Variants in GREB1 observed in about 807,000 individuals in gnomAD.
GREB1 encodes growth regulating estrogen receptor binding 1, also known as protein GREB1.
GREB1 carries 106 observed loss-of-function variants against 200.7 expected under a neutral mutation model. The observed-to-expected ratio is 0.53, with a 90% confidence interval of 0.45 to 0.62. GREB1 has a LOEUF of 0.62. GREB1 is among the 20% of genes least tolerant of loss of function. The pLI is 0.00. For missense variants in GREB1, 2,243 were observed against 2,556.8 expected, an observed-to-expected ratio of 0.88 and a Z score of 2.65; for synonymous variants, 1,132 against 1,092.4, an observed-to-expected ratio of 1.04 and a Z score of -0.72.
chr2:11,563,899 T>C (rs531710296), intron 3 of GREB1, among the ~76,000 whole-genome samples: 1 of 152,268 alleles, frequency 6.6e-6, no homozygotes, highest in South Asian at 2.1e-4. Flanking sequence ...AAGTGGATAC[T>C]TTGCACACAG....
rs545399197 is a variant in GREB1, at chr2:11,568,346, C to T, written c.454+1690C>T. 3.9e-5 allele frequency among the ~76,000 whole-genome samples: 6 copies of T among 152,320 alleles called. No individual in the cohort carries two copies. The East Asian group carries it at 9.6e-4, about 24-fold the overall frequency. On this transcript the variant is annotated intron_variant, in intron 4 of 32. Coordinates refer to ENST00000381486, the MANE Select transcript of GREB1 (RefSeq NM_014668.4). ...GCCACAGAGGCGCTGGGGACACACA[C>T]GTGTGTGAACTCTGACACGAGGCAG...
intron 22 of GREB1, among the ~76,000 whole-genome samples, chr2:11,620,437 GGAA>G (rs1475209068): frequency 3.9e-5 from 6 of 152,240 alleles, no homozygotes; most frequent in South Asian, 4.1e-4. Context: ...AGCAGGAGAA[GGAA>G]GAAGAAGAAA....
intron 1 of GREB1, among the ~76,000 whole-genome samples, chr2:11,521,570 G>C (rs1673705510): frequency 6.6e-6 from 1 of 152,168 alleles, no homozygotes; most frequent in African/African-American, 2.4e-5. Context: ...AAGCTCCCTT[G>C]CTATAAACTC....
intron 1 of GREB1, among the ~76,000 whole-genome samples, chr2:11,490,598 G>A (rs1372602833): frequency 6.6e-6 from 1 of 152,166 alleles, no homozygotes; most frequent in Non-Finnish European, 1.5e-5. Context: ...GCCCAGGCTG[G>A]AGTGCAGTGG....
At chr2:11,553,872 G>A (rs1676176066) in intron 1 of GREB1, among the ~76,000 whole-genome samples, 2 of 152,118 alleles carry the variant, frequency 1.3e-5, no homozygotes, top group African/African-American at 4.8e-5. Context: ...GCCCCGATGT[G>A]TTCTTTCTGT....
intron 1 of GREB1, among the ~76,000 whole-genome samples, chr2:11,550,529 G>A (rs1675709701): frequency 6.6e-6 from 1 of 152,180 alleles, no homozygotes; most frequent in Non-Finnish European, 1.5e-5. Flanking sequence ...TGCAGAGAAG[G>A]GGAAAGGGCT....
chr2:11,497,847 G>A (rs1672928172), intron 1 of GREB1, among the ~76,000 whole-genome samples: 1 of 151,560 alleles, frequency 6.6e-6, no homozygotes, highest in Non-Finnish European at 1.5e-5. Context: ...ATTGAGTGTT[G>A]AAAGTTTTAA....
At chr2:11,592,639 C>T in intron 10 of GREB1, 137 bp from the exon 11 acceptor site, 1 of 547,322 alleles carries the variant, frequency 1.8e-6, no homozygotes, top group African/African-American at 2.0e-5. Context: ...GATTTTATGC[C>T]CTCCCCTCGT....
intron 16 of GREB1, 24 bp from the exon 17 acceptor site, chr2:11,602,382 G>T (rs368887165): frequency 5.5e-5 from 88 of 1,609,346 alleles, no homozygotes; most frequent in Non-Finnish European, 7.0e-5. Flanking sequence ...GTGTTGGAGT[G>T]ACCGACGCTC....
chr2:11,576,917 C>G (rs1678920461), intron 5 of GREB1, among the ~76,000 whole-genome samples: 2 of 152,262 alleles, frequency 1.3e-5, no homozygotes, highest in South Asian at 4.1e-4. Flanking sequence ...CGCCTGTAAT[C>G]CCAGCTACTC....
chr2:11,542,328 C>T (rs989477712), intron 1 of GREB1, among the ~76,000 whole-genome samples: 3 of 152,146 alleles, frequency 2.0e-5, no homozygotes, highest in African/African-American at 4.8e-5. Context: ...CCTGAGACCC[C>T]GAAGGCCCCC....
intron 9 of GREB1, among the ~76,000 whole-genome samples, chr2:11,586,926 G>A (rs1680163230): frequency 6.6e-6 from 1 of 152,028 alleles, no homozygotes; most frequent in Non-Finnish European, 1.5e-5. Context: ...TTTTTACGTG[G>A]CCATGGCGTG....
intron 11 of GREB1, among the ~76,000 whole-genome samples, chr2:11,594,350 A>C (rs1681014833): frequency 7.3e-6 from 1 of 137,552 alleles, no homozygotes; most frequent in Non-Finnish European, 1.5e-5. Context: ...ATTGTCTTTT[A>C]GCATTTTTTT....
At chr2:11,598,924 T>A in intron 15 of GREB1, 64 bp downstream of exon 15, 3 of 1,354,804 alleles carry the variant, frequency 2.2e-6, no homozygotes, top group Non-Finnish European at 3.2e-6. Flanking sequence ...TATGTGGATG[T>A]TCCCGGGGGC....
chr2:11,500,361 C>T (rs976724073), intron 1 of GREB1, among the ~76,000 whole-genome samples: 4 of 152,098 alleles, frequency 2.6e-5, no homozygotes, highest in African/African-American at 9.7e-5. Context: ...GGGGTTTCAC[C>T]ATGTTGGCCA....
chr2:11,595,214 G>A, intron 11 of GREB1, 37 bp from the exon 12 acceptor site: 1 of 1,585,488 alleles, frequency 6.3e-7, no homozygotes, highest in Non-Finnish European at 8.6e-7. Flanking sequence ...AAGCAGGGAA[G>A]ATACAATGGG....
Position 11,629,107 on chromosome 2 carries a change from G to A in GREB1, c.4450-841G>A, listed in dbSNP as rs946842759. ...CCTCATCTCTGCTCCCAAAGAAAGG[G>A]CTCTGTGGGTCTAGAAGAGCCATGG... On this transcript the variant is annotated intron_variant, in intron 25 of 32. Coordinates refer to ENST00000381486, the MANE Select transcript of GREB1 (RefSeq NM_014668.4). The surrounding 1 kb of genome is among the most constrained non-coding windows in gnomAD (Gnocchi z 5.2). Among the ~76,000 whole-genome samples, 2 of 152,196 alleles carry A rather than the reference G, an allele frequency of 1.3e-5. No homozygotes were observed. Among genetic ancestry groups the A allele is most frequent in the African/African-American group, 4.8e-5 (2 of 41,446 alleles).
intron 1 of GREB1, among the ~76,000 whole-genome samples, chr2:11,538,979 C>G (rs1456785340): frequency 9.4e-6 from 1 of 105,830 alleles, no homozygotes; most frequent in Admixed American, 9.9e-5. Context: ...CTCCCTTCCC[C>G]TCCTCTCCTC....
rs148861459 is a variant in GREB1 at position 11,515,301 on chromosome 2, A to G, written c.-159+32920A>G. Among the ~76,000 whole-genome samples the G allele has an allele frequency of 8.7e-4, 132 of 152,356 alleles. 3 individuals are homozygous for G. In the East Asian group the frequency reaches 0.023, roughly 26 times the overall value. On this transcript the variant is annotated intron_variant, in intron 1 of 2. Transcript: ENST00000628795. ...GGAACAGAGATTGAATTGGATAGAG[A>G]TGATGTGCTCAAAGAACAGAGTCTA... is the stretch of plus-strand genomic sequence containing the variant.
Sources: gnomAD v4.1 joint callset for allele counts (sites outside exome capture counted in the v4.1 genomes callset) on GRCh38, gnomAD v4.1.1 for gene constraint, Gnocchi (gnomAD v3.1) non-coding constraint, MANE v1.5 for transcripts, NCBI Gene and HGNC (gene_info 2026-07-23, HGNC 2026-07-21) for gene names.